Variants in SEMA5A observed in about 807,000 individuals in gnomAD.
The protein encoded by SEMA5A is semaphorin 5A.
A neutral mutation model predicts 135.5 loss-of-function variants in SEMA5A; 55 were observed. The ratio of observed to expected loss-of-function variants is 0.41; its 90% confidence interval spans 0.33 to 0.51. SEMA5A has a LOEUF of 0.51. Ranked by LOEUF, SEMA5A falls within the 20% of genes least tolerant of loss-of-function variation. The probability of loss-of-function intolerance (pLI) is 0.37; values close to 1 mark genes in which losing one functional copy is unlikely to be tolerated. For synonymous variants in SEMA5A, 580 were observed against 546.5 expected (o/e 1.06, Z -0.85); for missense variants, 1,290 against 1,419.9 (o/e 0.91, Z 1.47).
At position 9,270,356 on chromosome 5, in the gene SEMA5A, A is replaced by G. The variant is rs184716503; in HGVS notation, c.271-32466T>C. ...CTGTAATAAATCACAGCCATGCATG[A>G]CTACATATTGAGTCCTTGAGTCCCG... On this transcript the variant is annotated intron_variant, in intron 5 of 22. Transcript: ENST00000382496. Among the ~76,000 whole-genome samples, 84 of 152,190 alleles carry G rather than the reference A, an allele frequency of 5.5e-4. 1 individual carries two copies. The highest frequency in any genetic ancestry group is 7.8e-4 in the Non-Finnish European group (53 of 68,012).
chr5:9,501,987 A>G (rs1317845061), intron 1 of SEMA5A, among the ~76,000 whole-genome samples: 1 of 152,204 alleles, frequency 6.6e-6, no homozygotes, highest in Admixed American at 6.5e-5. Context: ...GAATTGAGGT[A>G]TCTATATTTT....
At chr5:9,187,893 G>A (rs1412735440) in intron 11 of SEMA5A, among the ~76,000 whole-genome samples, 1 of 152,220 alleles carries the variant, frequency 6.6e-6, no homozygotes, top group Non-Finnish European at 1.5e-5. Flanking sequence ...GGGGGTGAGG[G>A]TGTTGGGAGC....
chr5:9,463,727 TG>T (rs1485506938), intron 1 of SEMA5A, among the ~76,000 whole-genome samples: 1 of 152,084 alleles, frequency 6.6e-6, no homozygotes, highest in Non-Finnish European at 1.5e-5. Context: ...GTCATAGAAA[TG>T]GCAAGGTGTA....
At chr5:9,479,695 A>C (rs745628175) in intron 1 of SEMA5A, among the ~76,000 whole-genome samples, 3 of 152,218 alleles carry the variant, frequency 2.0e-5, no homozygotes, top group Non-Finnish European at 2.9e-5. Context: ...TTCTCCCTTC[A>C]TACCAGGATT....
intron 6 of SEMA5A, among the ~76,000 whole-genome samples, chr5:9,231,619 T>G (rs900467646): frequency 1.3e-5 from 2 of 152,206 alleles, no homozygotes; most frequent in Admixed American, 1.3e-4. Flanking sequence ...AAACGTGGCC[T>G]TTCCATGGGT....
chr5:9,538,170 C>G (rs1234852533), intron 1 of SEMA5A, among the ~76,000 whole-genome samples: 3 of 152,170 alleles, frequency 2.0e-5, no homozygotes, highest in African/African-American at 7.2e-5. Context: ...GTATGTATCT[C>G]TACCCAAAAC....
rs539050817 is a variant in SEMA5A, at chr5:9,487,509, A to T, written c.-174-49657T>A. Among the ~76,000 whole-genome samples the T allele has an allele frequency of 2.0e-5, 3 of 152,268 alleles. No homozygotes were observed. In the South Asian group the frequency reaches 6.2e-4, roughly 32 times the overall value. ...TGAAGGGTGGAGGTTTGGGGGAAAG[A>T]TGGAAAGCAGTGAAATGGGGAGAGG... On this transcript the variant is annotated intron_variant, in intron 1 of 22. Transcript: ENST00000382496.
intron 1 of SEMA5A, among the ~76,000 whole-genome samples, chr5:9,532,247 G>A (rs1737486141): frequency 6.6e-6 from 1 of 151,144 alleles, no homozygotes; most frequent in African/African-American, 2.4e-5. Context: ...AAAAACCTTG[G>A]GGAAAAACAG....
Position 9,256,742 on chromosome 5 carries a change from G to T in SEMA5A, c.271-18852C>A, listed in dbSNP as rs141446252. Among the ~76,000 whole-genome samples, 351 of 152,294 alleles carry T rather than the reference G, an allele frequency of 2.3e-3. 2 individuals carry two copies. Among genetic ancestry groups the T allele is most frequent in the African/African-American group, 8.1e-3 (337 of 41,562 alleles). ...CCCATAAGAGACCCTGATTAAATAT[G>T]TGCTGAAGGAAGGAATAATCTAGGA... On this transcript the variant is annotated intron_variant, in intron 5 of 22. Transcript: ENST00000382496.
intron 5 of SEMA5A, 31 bp from the exon 6 acceptor site, chr5:9,237,921 T>C (rs923956997): frequency 1.3e-6 from 2 of 1,599,674 alleles, no homozygotes; most frequent in Non-Finnish European, 1.7e-6. Context: ...ATAGCAGTCA[T>C]GGTTTTGACT....
In SEMA5A at chr5:9,221,593, C is replaced by T. The variant is rs368723206; in HGVS notation, c.646+3081G>A. Among the ~76,000 whole-genome samples, 17 of 151,900 alleles carry T rather than the reference C, an allele frequency of 1.1e-4. 1 individual carries two copies. Among genetic ancestry groups the T allele is most frequent in the South Asian group, 4.2e-4 (2 of 4,786 alleles). On this transcript the variant is annotated intron_variant, in intron 8 of 22. Coordinates refer to ENST00000382496, the MANE Select transcript of SEMA5A (RefSeq NM_003966.3). ...CTGGGATTACAGGCGTGAGCCACCGCGCCTGGCCCCCCGAACATTTTTCTG... is the reference window on the plus strand; with the variant it reads ...CTGGGATTACAGGCGTGAGCCACCGTGCCTGGCCCCCCGAACATTTTTCTG...
chr5:9,399,276 A>G (rs1756541286), intron 2 of SEMA5A, among the ~76,000 whole-genome samples: 2 of 152,218 alleles, frequency 1.3e-5, no homozygotes, highest in African/African-American at 4.8e-5. Context: ...AGCCAGTAAA[A>G]GGAATAAAGT....
intron 8 of SEMA5A, among the ~76,000 whole-genome samples, chr5:9,212,165 C>A (rs1164304671): frequency 6.6e-6 from 1 of 152,226 alleles, no homozygotes; most frequent in African/African-American, 2.4e-5. Context: ...TCAAAACTCA[C>A]AAACTCAATT....
At chr5:9,408,246 A>G (rs531640836) in intron 2 of SEMA5A, among the ~76,000 whole-genome samples, 60 of 152,262 alleles carry the variant, frequency 3.9e-4, no homozygotes, top group African/African-American at 1.1e-3. Flanking sequence ...CACTCTCCAC[A>G]GCACGGAATA....
chr5:9,453,486 G>A (rs1050065334), intron 1 of SEMA5A, among the ~76,000 whole-genome samples: 1 of 152,202 alleles, frequency 6.6e-6, no homozygotes, highest in African/African-American at 2.4e-5. Context: ...GTATTCCTAA[G>A]TGCAGGAAGG....
At chr5:9,480,299 T>C (rs191510295) in intron 1 of SEMA5A, among the ~76,000 whole-genome samples, 1 of 152,350 alleles carries the variant, frequency 6.6e-6, no homozygotes, top group Non-Finnish European at 1.5e-5. Context: ...ACTATGTCCC[T>C]GAATCCAAAG....
intron 13 of SEMA5A, among the ~76,000 whole-genome samples, chr5:9,127,895 A>G (rs1224034901): frequency 6.6e-6 from 1 of 152,166 alleles, no homozygotes; most frequent in African/African-American, 2.4e-5. Flanking sequence ...AGAAATATCT[A>G]AGACTGTGAG....
chr5:9,142,076 A>T (rs1449649097), intron 12 of SEMA5A, among the ~76,000 whole-genome samples: 1 of 152,252 alleles, frequency 6.6e-6, no homozygotes, highest in Non-Finnish European at 1.5e-5. Flanking sequence ...AGACACTGTC[A>T]CTGAGCTCCA....
At chr5:9,500,446 A>G (rs2126819227) in intron 1 of SEMA5A, among the ~76,000 whole-genome samples, 1 of 152,294 alleles carries the variant, frequency 6.6e-6, no homozygotes, top group East Asian at 1.9e-4. Flanking sequence ...TTAGCTTTTG[A>G]CATGTGCATT....
Sources: gnomAD v4.1 joint callset for allele counts (sites outside exome capture counted in the v4.1 genomes callset) on GRCh38, gnomAD v4.1.1 for gene constraint, MANE v1.5 for transcripts, NCBI Gene and HGNC (gene_info 2026-07-23, HGNC 2026-07-21) for gene names.